The following DHCR24 variants were observed in gnomAD, a reference collection of about 807,000 sequenced individuals.
DHCR24 encodes 24-dehydrocholesterol reductase.
A neutral mutation model predicts 61.2 loss-of-function variants in DHCR24; 28 were observed. The ratio of observed to expected loss-of-function variants is 0.46; its 90% confidence interval spans 0.34 to 0.63. DHCR24 has a LOEUF of 0.63. DHCR24 is among the 20% of genes least tolerant of loss of function. The pLI is 0.01. For missense variants in DHCR24, 538 were observed against 679.1 expected (o/e 0.79, Z 2.31); for synonymous variants, 261 against 275.9 (o/e 0.95, Z 0.54).
chr1:54,877,573 T>C (rs866591445), intron 2 of DHCR24, among the ~76,000 whole-genome samples: 2 of 151,644 alleles, frequency 1.3e-5, no homozygotes, highest in South Asian at 2.1e-4. Context: ...CAGGACAACA[T>C]AGCAAGACCT....
chr1:54,879,322 GAAA>G (rs58945175), intron 2 of DHCR24, among the ~76,000 whole-genome samples: 4 of 108,536 alleles, frequency 3.7e-5, no homozygotes, highest in East Asian at 2.6e-4. Flanking sequence ...GACTCCATCT[GAAA>G]AAAAAAAAAA....
At chr1:54,854,713 C>T (rs1197066725) in intron 6 of DHCR24, among the ~76,000 whole-genome samples, 1 of 152,152 alleles carries the variant, frequency 6.6e-6, no homozygotes, top group Non-Finnish European at 1.5e-5. Flanking sequence ...GGCACACAGC[C>T]AGAGACAGCG....
In DHCR24 at chr1:54,874,550, T is replaced by C. The variant is rs150322396; in HGVS notation, c.612+543A>G. Among the ~76,000 whole-genome samples the C allele has an allele frequency of 4.6e-5, 7 of 152,358 alleles. No individual in the cohort carries two copies. In the East Asian group the frequency reaches 1.3e-3, roughly 29 times the overall value. On this transcript the variant is annotated intron_variant, in intron 4 of 8. Transcript: ENST00000371269. Reference sequence around the variant, plus strand: ...CATCTAGGTTTATGTAATTACACTCTTATGATGTTTGCACAATGACAAAAT... The same window carrying C: ...CATCTAGGTTTATGTAATTACACTCCTATGATGTTTGCACAATGACAAAAT...
Position 54,852,096 on chromosome 1 carries a change from G to T in DHCR24, c.*137C>A. 1 of 999,950 alleles carries T rather than the reference G, an allele frequency of 1.0e-6. No homozygotes were observed. Among genetic ancestry groups the T allele is most frequent in the Non-Finnish European group, 1.5e-6 (1 of 677,652 alleles). The allele number at this position is 999,950 out of a possible 1,614,324, so 61.9% of individuals were successfully genotyped here. A position where few individuals can be genotyped will look rare whatever the true frequency, so the allele number is the denominator to read the frequency against. On this transcript the variant is annotated 3_prime_UTR_variant, in exon 9 of 9. Transcript: ENST00000371269. ...CTGCCCCCTGGAAGCCAGGAGGAAG[G>T]TGGTGTTGGGCTGTCAGGGTGGGAG...
At chr1:54,886,510 C>CCCA in intron 1 of DHCR24, 1 of 1,019,374 alleles carries the variant, frequency 9.8e-7, no homozygotes, top group East Asian at 5.4e-5. Flanking sequence ...AGTCCCTCCA[C>CCCA]CCACACACCT....
intron 5 of DHCR24, 63 bp downstream of exon 5, chr1:54,871,287 C>G: frequency 9.3e-6 from 15 of 1,604,616 alleles, no homozygotes; most frequent in Non-Finnish European, 1.2e-5. Context: ...CGGGAACCGG[C>G]TCAGTCCTAG....
rs747557079 is a variant in DHCR24 at position 54,853,612 on chromosome 1, C to T, written c.1219G>A (p.Val407Ile). The T allele has an allele frequency of 3.1e-6, 5 of 1,613,086 alleles. No individual in the cohort carries two copies. The highest frequency in any genetic ancestry group is 3.4e-6 in the Non-Finnish European group (4 of 1,179,724). Residue 407 changes from valine to isoleucine, a missense_variant and splice_region_variant, in exon 8 of 9, where the codon GTC becomes ATC. Val to Ile is a conservative substitution (Grantham distance 29, BLOSUM62 3). Transcript: ENST00000371269. ...ALHTFQNDIH[V>I]YPIWLCPFIL... Reference sequence around the variant, plus strand: ...AACGGACACAGCCAGATGGGGTAGACCTGGGTAGACCAGGGAGGTGGGTAT... The same window carrying T: ...AACGGACACAGCCAGATGGGGTAGATCTGGGTAGACCAGGGAGGTGGGTAT...
intron 4 of DHCR24, among the ~76,000 whole-genome samples, chr1:54,873,027 C>T (rs998083269): frequency 6.6e-6 from 1 of 152,226 alleles, no homozygotes; most frequent in African/African-American, 2.4e-5. Context: ...AAGTGTCACT[C>T]CTATCCCACC....
At chr1:54,884,814 T>C (rs1647084071) in intron 1 of DHCR24, among the ~76,000 whole-genome samples, 3 of 152,122 alleles carry the variant, frequency 2.0e-5, no homozygotes, top group Admixed American at 2.0e-4. Context: ...CCACTCTCTC[T>C]TTACTGGGGT....
At chr1:54,855,089 C>T (rs1007420165) in intron 6 of DHCR24, among the ~76,000 whole-genome samples, 2 of 152,282 alleles carry the variant, frequency 1.3e-5, no homozygotes, top group South Asian at 2.1e-4. Flanking sequence ...GCCAAGGCTG[C>T]TCCTCCATTC....
intron 5 of DHCR24, 86 bp from the exon 6 acceptor site, chr1:54,865,532 A>C: frequency 6.4e-7 from 1 of 1,569,722 alleles, no homozygotes; most frequent in Non-Finnish European, 8.7e-7. Context: ...GCTTCTGTTC[A>C]GCACTCCTGG....
At chr1:54,873,814 T>C (rs1457675189) in intron 4 of DHCR24, among the ~76,000 whole-genome samples, 1 of 152,340 alleles carries the variant, frequency 6.6e-6, no homozygotes, top group African/African-American at 2.4e-5. Context: ...CATGCCCAGC[T>C]AATTTTTGTA....
At position 54,886,994 on chromosome 1, in the gene DHCR24, G is replaced by C. The variant is rs781064729; in HGVS notation, c.126C>G (p.Leu42=). Residue 42 remains leucine, a synonymous_variant, in exon 1 of 9, where the codon CTC becomes CTG. Coordinates refer to ENST00000371269, the MANE Select transcript of DHCR24 (RefSeq NM_014762.4). The part of the protein sequence containing the change: ...WVFVCLFLLP[L]SLIFDIYYYV... ...AGTAGTAGATATCGAAGATAAGCGAGAGCGGCAGGAGGAAGAGGCACACGA... is the reference window on the plus strand; with the variant it reads ...AGTAGTAGATATCGAAGATAAGCGACAGCGGCAGGAGGAAGAGGCACACGA... The C allele has an allele frequency of 7.4e-6, 12 of 1,613,712 alleles. No homozygotes were observed. In the Admixed American group the frequency reaches 2.0e-4, roughly 27 times the overall value.
At chr1:54,876,095 C>T in intron 2 of DHCR24, 48 bp from the exon 3 acceptor site, 1 of 1,465,462 alleles carries the variant, frequency 6.8e-7, no homozygotes, top group Non-Finnish European at 9.6e-7. Flanking sequence ...GGCTGCCAGG[C>T]CCAAGGGGAG....
At chr1:54,868,761 T>G (rs374957804) in intron 5 of DHCR24, among the ~76,000 whole-genome samples, 24 of 151,508 alleles carry the variant, frequency 1.6e-4, no homozygotes, top group Admixed American at 4.6e-4. Flanking sequence ...CAGGGGGAAA[T>G]GCTTATCACA....
At position 54,883,511 on chromosome 1, in the gene DHCR24, C is replaced by T; in HGVS notation, c.387+107G>A. 7.4e-7 allele frequency: 1 copy of T among 1,355,732 alleles called. No individual in the cohort carries two copies. The highest frequency in any genetic ancestry group is 1.2e-5 in the South Asian group (1 of 85,182). 84.0% of individuals were successfully genotyped at this position (1,355,732 alleles called of 1,614,324 possible). A position where few individuals can be genotyped will look rare whatever the true frequency, so the allele number is the denominator to read the frequency against. On this transcript the variant is annotated intron_variant, in intron 2 of 8. Transcript: ENST00000371269. This position sits in a 1 kb window ranked among gnomAD's most constrained non-coding sequence, Gnocchi z 4.3. Reference sequence around the variant, plus strand: ...ATCTTCTATGACTGTGGGCATTGGTCCTGTCCACTCTGCAATGCCCTTGGC... The same window carrying T: ...ATCTTCTATGACTGTGGGCATTGGTTCTGTCCACTCTGCAATGCCCTTGGC...
rs1193018793 is a variant in DHCR24, at chr1:54,851,837, G to C, written c.*396C>G. The C allele has an allele frequency of 7.8e-6, 2 of 256,608 alleles. No individual in the cohort carries two copies. Among genetic ancestry groups the C allele is most frequent in the African/African-American group, 4.4e-5 (2 of 44,946 alleles). The allele number at this position is 256,608 out of a possible 1,614,324, so 15.9% of individuals were successfully genotyped here. Reference sequence around the variant, plus strand: ...CAGGCTCCACTGCAGATGTGACGCTGAACGGGAAGCAACAAGAGCTACCAC... The same window carrying C: ...CAGGCTCCACTGCAGATGTGACGCTCAACGGGAAGCAACAAGAGCTACCAC... On this transcript the variant is annotated 3_prime_UTR_variant, in exon 9 of 9. Coordinates refer to ENST00000371269, the MANE Select transcript of DHCR24 (RefSeq NM_014762.4).
intron 5 of DHCR24, among the ~76,000 whole-genome samples, chr1:54,871,078 C>G (rs1419351480): frequency 6.6e-6 from 1 of 152,216 alleles, no homozygotes; most frequent in Non-Finnish European, 1.5e-5. Context: ...GTTTCCTCAT[C>G]TATAAAATGG....
intron 6 of DHCR24, among the ~76,000 whole-genome samples, chr1:54,862,806 G>C (rs1646945821): frequency 2.0e-5 from 3 of 152,080 alleles, no homozygotes; most frequent in Admixed American, 6.5e-5. Context: ...GCCGGGTGCG[G>C]TGGTTCACGC....
Sources: allele counts gnomAD v4.1 joint callset (sites outside exome capture counted in the v4.1 genomes callset), GRCh38; gene constraint gnomAD v4.1.1; non-coding constraint Gnocchi (gnomAD v3.1); transcripts MANE v1.5; gene names NCBI Gene and HGNC (gene_info 2026-07-23, HGNC 2026-07-21).